Variants in DCDC2C observed in about 807,000 individuals in gnomAD.
The protein encoded by DCDC2C is doublecortin domain containing 2C.
Under a neutral mutation model 45.0 loss-of-function variants are expected in DCDC2C, and 44 were observed. The ratio of observed to expected loss-of-function variants is 0.98; its 90% CI spans 0.77 to 1.26. DCDC2C has a LOEUF of 1.26. Ranked by LOEUF, DCDC2C falls within the 50% of genes most tolerant of loss-of-function variation. The pLI, the probability that DCDC2C is intolerant of heterozygous loss-of-function variation, is 0.00. For synonymous variants in DCDC2C, 187 were observed against 178.8 expected (o/e 1.05, Z -0.37); for missense variants, 447 against 468.9 (o/e 0.95, Z 0.43).
At chr2:3,772,294 C>A (rs750863327) in intron 8 of DCDC2C, among the ~76,000 whole-genome samples, 6 of 152,192 alleles carry the variant, frequency 3.9e-5, no homozygotes, top group African/African-American at 1.4e-4. Flanking sequence ...TCCTGTGACA[C>A]CTTCAATATC....
chr2:3,737,262 T>C (rs1669056957), intron 3 of DCDC2C, among the ~76,000 whole-genome samples: 1 of 152,152 alleles, frequency 6.6e-6, no homozygotes, highest in Admixed American at 6.5e-5. Context: ...TGAGTTCAAA[T>C]GTGGAGAACT....
At chr2:3,803,645 C>G (rs141664222) in intron 10 of DCDC2C, among the ~76,000 whole-genome samples, 256 of 152,358 alleles carry the variant, frequency 1.7e-3, no homozygotes, top group Non-Finnish European at 2.9e-3. Context: ...GTCCAGTGTC[C>G]TAAGCCAGCA....
chr2:3,721,503 G>A (rs1428051197), intron 2 of DCDC2C, among the ~76,000 whole-genome samples: 1 of 152,214 alleles, frequency 6.6e-6, no homozygotes, highest in Non-Finnish European at 1.5e-5. Context: ...TGTTCATGGA[G>A]GGTAGTTGGA....
At chr2:3,729,269 C>A (rs1668789620) in intron 3 of DCDC2C, among the ~76,000 whole-genome samples, 1 of 152,186 alleles carries the variant, frequency 6.6e-6, no homozygotes, top group African/African-American at 2.4e-5. Flanking sequence ...GAGCCCACCC[C>A]AGGGCTCCTC....
rs747637860 is a variant in DCDC2C, at chr2:3,778,806, T to C, written c.955-10T>C. 1.6e-5 allele frequency: 25 copies of C among 1,550,466 alleles called. No homozygotes were observed. The East Asian group carries it at 6.1e-4, about 38-fold the overall frequency. On this transcript the variant is annotated splice_polypyrimidine_tract_variant and intron_variant, in intron 8 of 10. Transcript: ENST00000399143. Reference sequence around the variant, plus strand: ...AGTAGTTGATAAAATGTGGTGTATTTTCTCCCCAGAGACAAGCTGAGATAG... The same window carrying C: ...AGTAGTTGATAAAATGTGGTGTATTCTCTCCCCAGAGACAAGCTGAGATAG...
At chr2:3,826,712 T>A (rs1671826292) in intron 10 of DCDC2C, among the ~76,000 whole-genome samples, 1 of 152,168 alleles carries the variant, frequency 6.6e-6, no homozygotes, top group Non-Finnish European at 1.5e-5. Context: ...CAGCTTTGCG[T>A]GGTGTCTAAG....
At chr2:3,827,821 A>G (rs905177677) in intron 10 of DCDC2C, among the ~76,000 whole-genome samples, 3 of 152,202 alleles carry the variant, frequency 2.0e-5, no homozygotes, top group African/African-American at 7.2e-5. Flanking sequence ...TGGGCCCCAG[A>G]TCGCCACCTA....
intron 10 of DCDC2C, among the ~76,000 whole-genome samples, chr2:3,798,438 G>A (rs368999314): frequency 2.0e-5 from 3 of 150,996 alleles, no homozygotes; most frequent in Admixed American, 6.6e-5. Flanking sequence ...TATTTTGCTC[G>A]TTAGTTGATG....
intron 3 of DCDC2C, among the ~76,000 whole-genome samples, chr2:3,728,695 C>T (rs1180819698): frequency 2.6e-5 from 4 of 152,198 alleles, no homozygotes; most frequent in South Asian, 4.1e-4. Flanking sequence ...TCGTGTTCCT[C>T]GGAGTCCTTG....
chr2:3,763,759 T>C (rs914957893), intron 6 of DCDC2C, among the ~76,000 whole-genome samples: 1 of 152,350 alleles, frequency 6.6e-6, no homozygotes, highest in East Asian at 1.9e-4. Context: ...TCTTTTGGGC[T>C]GGACACAAAA....
At chr2:3,806,689 C>T (rs923588253) in intron 10 of DCDC2C, among the ~76,000 whole-genome samples, 3 of 151,338 alleles carry the variant, frequency 2.0e-5, no homozygotes, top group African/African-American at 4.9e-5. Context: ...ATTACAGGCA[C>T]GCACCACCAT....
Position 3,741,956 on chromosome 2 carries a change from A to G in DCDC2C, c.453A>G (p.Ala151=), listed in dbSNP as rs1356150632. The change falls in exon 4 of 11, where the codon GCA becomes GCG. Residue 151 remains alanine, a synonymous_variant. Transcript: ENST00000399143. ...ATGGAAGATTATTTATTCCACCTGC[A>G]AAAATCATTATACCCAAATTTAGTC... The part of the protein sequence containing the change: ...FTNGRLFIPP[A]KIIIPKFSLS... The G allele has an allele frequency of 6.5e-7, 1 of 1,548,672 alleles. No homozygotes were observed. The highest frequency in any genetic ancestry group is 1.2e-5 in the South Asian group (1 of 83,274).
chr2:3,716,390 C>G (rs1049761610), intron 2 of DCDC2C, among the ~76,000 whole-genome samples: 7 of 151,874 alleles, frequency 4.6e-5, no homozygotes, highest in African/African-American at 1.7e-4. Flanking sequence ...GACTGAGATG[C>G]TGACCAGACA....
intron 10 of DCDC2C, among the ~76,000 whole-genome samples, chr2:3,822,226 A>G (rs1341062831): frequency 6.6e-6 from 1 of 152,210 alleles, no homozygotes; most frequent in Non-Finnish European, 1.5e-5. Flanking sequence ...AGAATTCACA[A>G]GTGAAGCCAT....
chr2:3,729,233 A>C (rs1221086612), intron 3 of DCDC2C, among the ~76,000 whole-genome samples: 1 of 152,164 alleles, frequency 6.6e-6, no homozygotes, highest in Non-Finnish European at 1.5e-5. Flanking sequence ...AGGGAGCCTG[A>C]GACCAGAGGG....
In DCDC2C at chr2:3,759,034, C is replaced by T. The variant is rs796861035; in HGVS notation, c.726+4400C>T. 5.9e-5 allele frequency among the ~76,000 whole-genome samples: 9 copies of T among 152,184 alleles called. 1 individual carries two copies. The South Asian group carries it at 1.9e-3, about 31-fold the overall frequency. ...CAACCACACTCGCATGTGTTTTGTT[C>T]CTGAGAGTGGTGCAAAAGGATTGCC... On this transcript the variant is annotated intron_variant, in intron 6 of 10. Transcript: ENST00000399143.
rs1230376625 is a variant in DCDC2C at position 3,818,312 on chromosome 2, G to T, written c.1066-28842G>T. Among the ~76,000 whole-genome samples the T allele has an allele frequency of 6.6e-6, 1 of 152,206 alleles. No individual in the cohort carries two copies. The highest frequency in any genetic ancestry group is 1.5e-5 in the Non-Finnish European group (1 of 68,032). ...CTGAGCCTGATGGGTGTCAGGGTCT[G>T]TCCAAGTGAAAGCGAAGAGAGGCTG... On this transcript the variant is annotated intron_variant, in intron 10 of 10. Coordinates refer to ENST00000399143, the MANE Select transcript of DCDC2C (RefSeq NM_001287444.2). This position sits in a 1 kb window ranked among gnomAD's most constrained non-coding sequence, Gnocchi z 4.7.
chr2:3,728,674 A>G (rs1668769680), intron 3 of DCDC2C, among the ~76,000 whole-genome samples: 2 of 152,220 alleles, frequency 1.3e-5, no homozygotes, highest in Admixed American at 1.3e-4. Context: ...TCCTACCACA[A>G]ATAAACCTGA....
intron 7 of DCDC2C, 98 bp from the exon 8 acceptor site, chr2:3,769,213 A>T: frequency 8.5e-7 from 1 of 1,174,840 alleles, no homozygotes. Context: ...AAGCTCCAGG[A>T]TGCCCGGCTT....
Sources: allele counts gnomAD v4.1 joint callset (sites outside exome capture counted in the v4.1 genomes callset), GRCh38; gene constraint gnomAD v4.1.1; non-coding constraint Gnocchi (gnomAD v3.1); transcripts MANE v1.5; gene names NCBI Gene and HGNC (gene_info 2026-07-23, HGNC 2026-07-21).